COL6A1: variants seen among roughly 807,000 people sequenced by gnomAD.
The protein encoded by COL6A1 is collagen alpha-1(VI) chain.
A neutral mutation model predicts 145.6 loss-of-function variants in COL6A1; 80 were observed. That is an observed-to-expected ratio of 0.55 (90% confidence interval 0.46 to 0.66). The LOEUF (loss-of-function observed/expected upper bound fraction) is 0.66. COL6A1 is among the 30% of genes least tolerant of loss of function. The probability of loss-of-function intolerance (pLI) is 0.00; values close to 1 mark genes in which losing one functional copy is unlikely to be tolerated. For synonymous variants in COL6A1, 638 were observed against 622.8 expected (o/e 1.02, Z -0.36); for missense variants, 1,364 against 1,473.8 (o/e 0.93, Z 1.22).
At chr21:45,998,077 A>G (rs757409874) in intron 22 of COL6A1, 44 bp from the exon 23 acceptor site, 4 of 1,607,048 alleles carry the variant, frequency 2.5e-6, no homozygotes, top group Middle Eastern at 1.7e-4. Flanking sequence ...TGGGTATCCC[A>G]GGCCAGGCCG....
intron 29 of COL6A1, 50 bp downstream of exon 29, chr21:46,000,817 A>G (rs2123488115): frequency 6.2e-7 from 1 of 1,608,782 alleles, no homozygotes; most frequent in Non-Finnish European, 8.5e-7. Context: ...GGGGTCGGGG[A>G]GCGAGGCCTG....
intron 1 of COL6A1, among the ~76,000 whole-genome samples, chr21:45,982,429 A>T (rs1471911510): frequency 3.3e-5 from 5 of 152,034 alleles, no homozygotes. Flanking sequence ...ACTCCCCTCG[A>T]GGCACAGGAG....
intron 32 of COL6A1, 61 bp from the exon 33 acceptor site, chr21:46,002,466 T>C (rs2123490789): frequency 4.3e-6 from 7 of 1,613,338 alleles, no homozygotes; most frequent in Middle Eastern, 1.7e-4. Flanking sequence ...AGGGTGGCCT[T>C]GTCCCCAGAA....
At chr21:45,998,001 G>A in intron 22 of COL6A1, 120 bp from the exon 23 acceptor site, 2 of 1,331,694 alleles carry the variant, frequency 1.5e-6, no homozygotes, top group Admixed American at 2.0e-5. Context: ...CCCAGGGGAG[G>A]GAGCCGGCTT....
chr21:45,996,672 C>T (rs992958563), intron 20 of COL6A1, among the ~76,000 whole-genome samples: 5 of 152,214 alleles, frequency 3.3e-5, no homozygotes, highest in Non-Finnish European at 5.9e-5. Context: ...GATGTGTACA[C>T]GGCTCCCTTC....
chr21:45,983,659 G>A (rs941393358), intron 2 of COL6A1, among the ~76,000 whole-genome samples: 1 of 102,662 alleles, frequency 9.7e-6, no homozygotes, highest in African/African-American at 7.6e-5. Context: ...GGCAGTGTTT[G>A]GGGGGGGGTC....
rs1285743818 is a variant in COL6A1 at position 46,000,337 on chromosome 21, GA to G, written c.1784del (p.Glu595GlyfsTer7). On this transcript the variant is annotated frameshift_variant, in exon 28 of 35. Coordinates refer to ENST00000361866, the MANE Select transcript of COL6A1 (RefSeq NM_001848.3). LOFTEE classifies it high-confidence loss of function. ...CTCGTCTCTCCCTCCCCAGGAATGC[GA>G]GATTTTGGACATCATCATGAAAATG... ...HQGPPGPDECEILDIIMKMCS... is the reference protein window; with the variant it reads ...HQGPPGPDECXILDIIMKMCS... 4 of 1,613,970 alleles carry G rather than the reference GA, an allele frequency of 2.5e-6. No individual in the cohort carries two copies. Among genetic ancestry groups the G allele is most frequent in the Non-Finnish European group, 3.4e-6 (4 of 1,179,898 alleles).
chr21:45,981,985 G>T, intron 1 of COL6A1, 38 bp downstream of exon 1: 1 of 1,497,012 alleles, frequency 6.7e-7, no homozygotes. Context: ...CAGACCCCCC[G>T]CTCTTTGCTG....
In COL6A1 at chr21:45,996,406, C is replaced by T. The variant is rs894502335; in HGVS notation, c.1399-1015C>T. 9.9e-5 allele frequency among the ~76,000 whole-genome samples: 15 copies of T among 152,236 alleles called. 1 individual carries two copies. The highest frequency in any genetic ancestry group is 3.6e-4 in the African/African-American group (15 of 41,464). On this transcript the variant is annotated intron_variant, in intron 20 of 34. Coordinates refer to ENST00000361866, the MANE Select transcript of COL6A1 (RefSeq NM_001848.3). ...TCACAGCCAGGCCTGGGTGCTTGCA[C>T]AGTCGGGGTAGAGAGAGCAATACAC...
At position 45,987,003 on chromosome 21, in the gene COL6A1, T is replaced by C; in HGVS notation, c.648T>C (p.Ala216=). The C allele has an allele frequency of 6.4e-7, 1 of 1,551,524 alleles. No homozygotes were observed. The highest frequency in any genetic ancestry group is 1.2e-5 in the South Asian group (1 of 84,324). Residue 216 remains alanine, a synonymous_variant, in exon 5 of 35, where the codon GCT becomes GCC. Coordinates refer to ENST00000361866, the MANE Select transcript of COL6A1 (RefSeq NM_001848.3). ...CGTACCGGCGCAACTTCACGGCGGC[T>C]GACTGGGGCCAGAGCCGCGACGCAG... ...DHTYRRNFTA[A]DWGQSRDAEE...
intron 15 of COL6A1, 27 bp downstream of exon 15, chr21:45,991,068 C>T (rs1282846121): frequency 6.2e-7 from 1 of 1,611,792 alleles, no homozygotes; most frequent in Non-Finnish European, 8.5e-7. Context: ...CCCTGGAGGA[C>T]CAGGGCCTTC....
chr21:45,984,249 G>A lies in COL6A1; in HGVS notation c.228-20G>A, dbSNP rs1316161642. ...GCCAGGGGCCGCCCGCCTCACGCCC[G>A]CCGTGCCTGTTCCTGGCAGGTACTA... On this transcript the variant is annotated intron_variant, in intron 2 of 34. Coordinates refer to ENST00000361866, the MANE Select transcript of COL6A1 (RefSeq NM_001848.3). 7 of 1,592,312 alleles carry A rather than the reference G, an allele frequency of 4.4e-6. No individual in the cohort carries two copies. The highest frequency in any genetic ancestry group is 2.7e-5 in the African/African-American group (2 of 74,556).
chr21:45,993,554 G>A (rs984610449), intron 19 of COL6A1, among the ~76,000 whole-genome samples: 10 of 152,258 alleles, frequency 6.6e-5, no homozygotes, highest in African/African-American at 2.4e-4. Flanking sequence ...GTCGTGTGCT[G>A]TGACAGACAG....
Position 46,003,988 on chromosome 21 carries a change from T to C in COL6A1, c.3062T>C (p.Val1021Ala), listed in dbSNP as rs757230620. 2 of 1,613,038 alleles carry C rather than the reference T, an allele frequency of 1.2e-6. No homozygotes were observed. Among genetic ancestry groups the C allele is most frequent in the South Asian group, 1.1e-5 (1 of 91,074 alleles). Residue 1021 changes from valine (V) to alanine (A), a missense_variant, in exon 35 of 35, where the codon GTC (valine) becomes GCC (alanine). Transcript: ENST00000361866. ...ALLRGVFHQT[V>A]SRKVALG ...CTCCGCGGTGTCTTCCACCAGACAG[T>C]CTCCAGGAAGGTGGCGCTGGGCTAG...
chr21:45,982,535 C>G (rs2123460047), intron 1 of COL6A1, 99 bp from the exon 2 acceptor site: 2 of 1,570,104 alleles, frequency 1.3e-6, no homozygotes, highest in Non-Finnish European at 1.7e-6. Context: ...GCCCGGGGCT[C>G]TGTGCTGCAG....
chr21:46,002,918 A>C (rs920992783), intron 33 of COL6A1, among the ~76,000 whole-genome samples: 2 of 148,222 alleles, frequency 1.3e-5, no homozygotes, highest in African/African-American at 5.1e-5. Flanking sequence ...CTCCCAGCTC[A>C]CTGTTACCTC....
Position 45,992,166 on chromosome 21 carries a change from C to G in COL6A1, c.1185C>G (p.Gly395=), listed in dbSNP as rs770958800. 3 of 1,613,678 alleles carry G rather than the reference C, an allele frequency of 1.9e-6. No homozygotes were observed. ...PGSSGPSGDE[G]QPGEPGPPGE... is the part of the protein sequence containing the mutation. ...CATTCAACCCTTGTTCCCCACAGGG[C>G]CAGCCGGGAGAGCCTGGGCCCCCCG... The change falls in exon 17 of 35, where the codon GGC becomes GGG. Residue 395 remains glycine (G), a splice_region_variant and synonymous_variant. Transcript: ENST00000361866.
At chr21:45,987,270 C>T (rs754548369) in intron 6 of COL6A1, 95 bp downstream of exon 6, 272 of 1,561,066 alleles carry the variant, frequency 1.7e-4, no homozygotes, top group Non-Finnish European at 2.3e-4. Context: ...TATGCATATC[C>T]GCCCATGTGC....
At chr21:45,997,791 G>A in intron 22 of COL6A1, 29 bp downstream of exon 22, 2 of 1,561,994 alleles carry the variant, frequency 1.3e-6, no homozygotes. Context: ...GGGCCCTAGG[G>A]CGGAGGCCTG....
Sources: gnomAD v4.1 joint callset for allele counts (sites outside exome capture counted in the v4.1 genomes callset) on GRCh38, gnomAD v4.1.1 for gene constraint, MANE v1.5 for transcripts, NCBI Gene and HGNC (gene_info 2026-07-23, HGNC 2026-07-21) for gene names.